The following ABL2 variants were observed in gnomAD, a reference collection of about 807,000 sequenced individuals.
The protein encoded by ABL2 is ABL proto-oncogene 2, non-receptor tyrosine kinase.
A neutral mutation model predicts 107.7 loss-of-function variants in ABL2; 49 were observed. The observed-to-expected ratio is 0.45, with a 90% CI of 0.36 to 0.58. The LOEUF (loss-of-function observed/expected upper bound fraction) is 0.58. Ranked by LOEUF, ABL2 falls within the 20% of genes least tolerant of loss-of-function variation. ABL2 has a pLI of 0.00. For missense variants in ABL2, 1,245 were observed against 1,457.0 expected, an observed-to-expected ratio of 0.85 and a Z score of 2.37; for synonymous variants, 549 against 548.6, an observed-to-expected ratio of 1.00 and a Z score of -0.01.
chr1:179,112,250 TCAC>T (rs1039166317), intron 10 of ABL2, 56 bp downstream of exon 10: 282 of 1,437,212 alleles, frequency 2.0e-4, no homozygotes, highest in Non-Finnish European at 2.4e-4. Context: ...ATTACCATTA[TCAC>T]CACCACCACC....
intron 1 of ABL2, among the ~76,000 whole-genome samples, chr1:179,203,596 T>C (rs866974615): frequency 1.3e-5 from 2 of 152,210 alleles, no homozygotes; most frequent in African/African-American, 2.4e-5. Context: ...TGTATTATTG[T>C]AACAAGCTAT....
At chr1:179,141,067 G>A (rs1332225316) in intron 1 of ABL2, among the ~76,000 whole-genome samples, 2 of 143,172 alleles carry the variant, frequency 1.4e-5, no homozygotes, top group Non-Finnish European at 3.0e-5. Flanking sequence ...AGTGAACTGA[G>A]ATCAGACTGC....
At chr1:179,179,813 T>C (rs972320329) in intron 1 of ABL2, among the ~76,000 whole-genome samples, 1 of 151,986 alleles carries the variant, frequency 6.6e-6, no homozygotes, top group African/African-American at 2.4e-5. Flanking sequence ...TCAAGAAATA[T>C]GTCTTGGCTG....
intron 1 of ABL2, among the ~76,000 whole-genome samples, chr1:179,209,573 A>G (rs550474392): frequency 1.3e-5 from 2 of 152,330 alleles, no homozygotes; most frequent in South Asian, 2.1e-4. Context: ...CTGCTAAGCT[A>G]TGGGTCCATA....
chr1:179,131,199 C>T, intron 3 of ABL2, 112 bp downstream of exon 3: 1 of 1,219,178 alleles, frequency 8.2e-7, no homozygotes, highest in Non-Finnish European at 1.1e-6. Context: ...CCGCCTTGGC[C>T]TCCCAAAGTG....
rs1660437407 is a variant in ABL2, at chr1:179,182,508, G to C, written c.157+46733C>G. Among the ~76,000 whole-genome samples the C allele has an allele frequency of 2.6e-5, 4 of 152,270 alleles. No homozygotes were observed. The South Asian group carries it at 8.3e-4, about 32-fold the overall frequency. The stretch of plus-strand genomic sequence containing the variant: ...TTAGAAAATTAAAGTAATCAGAGAA[G>C]ATCTTCCAGCATATTTGACTTTCTG... On this transcript the variant is annotated intron_variant, in intron 1 of 11. Coordinates refer to ENST00000502732, the MANE Select transcript of ABL2 (RefSeq NM_007314.4).
intron 1 of ABL2, among the ~76,000 whole-genome samples, chr1:179,191,413 C>CTTT (rs35362624): frequency 0.022 from 1,705 of 77,084 alleles, 1 homozygote; most frequent in South Asian, 0.026. Context: ...TATGAAATCC[C>CTTT]TTTTTTTTTT....
chr1:179,113,043 T>G (rs1427731071), intron 9 of ABL2, among the ~76,000 whole-genome samples: 3 of 152,110 alleles, frequency 2.0e-5, no homozygotes, highest in Admixed American at 2.0e-4. Context: ...CTTGAGCCAC[T>G]GCACCCAGCC....
intron 1 of ABL2, among the ~76,000 whole-genome samples, chr1:179,218,555 C>A (rs1662706999): frequency 6.6e-6 from 1 of 152,178 alleles, no homozygotes; most frequent in Admixed American, 6.5e-5. Flanking sequence ...CGCCACCACG[C>A]CCAGCTAATT....
intron 1 of ABL2, among the ~76,000 whole-genome samples, chr1:179,179,133 T>C (rs1487504244): frequency 1.3e-5 from 2 of 152,198 alleles, no homozygotes; most frequent in South Asian, 2.1e-4. Context: ...CAGTTTAAAA[T>C]GTGCAAAACT....
intron 1 of ABL2, among the ~76,000 whole-genome samples, chr1:179,211,762 G>A (rs1012342827): frequency 5.4e-5 from 8 of 147,942 alleles, no homozygotes; most frequent in African/African-American, 2.0e-4. Context: ...TCACACCACA[G>A]CCTGGGTGAC....
At chr1:179,167,191 T>C (rs556998779) in intron 1 of ABL2, among the ~76,000 whole-genome samples, 1 of 152,256 alleles carries the variant, frequency 6.6e-6, no homozygotes, top group Admixed American at 6.5e-5. Flanking sequence ...AAATGTGGTG[T>C]ATATACCACA....
rs1435711806 is a variant in ABL2 at position 179,136,280 on chromosome 1, G to A, written c.158-2906C>T. ...TGTGGAATAGAAAGGGGGGAAAGGTGGGGAAAAGATTGAGAAATCGGATGG... is the reference window on the plus strand; with the variant it reads ...TGTGGAATAGAAAGGGGGGAAAGGTAGGGAAAAGATTGAGAAATCGGATGG... On this transcript the variant is annotated intron_variant, in intron 1 of 11. Coordinates refer to ENST00000502732, the MANE Select transcript of ABL2 (RefSeq NM_007314.4). 5.3e-5 allele frequency among the ~76,000 whole-genome samples: 8 copies of A among 151,686 alleles called. 2 individuals carry two copies. The highest frequency in any genetic ancestry group is 5.3e-4 in the Admixed American group (8 of 15,236).
rs557441845 is a variant in ABL2 at position 179,227,417 on chromosome 1, C to T, written c.157+1824G>A. Among the ~76,000 whole-genome samples the T allele has an allele frequency of 2.2e-4, 34 of 152,314 alleles. 1 individual carries two copies. The South Asian group carries it at 7.0e-3, about 32-fold the overall frequency. ...CAAATTATATCTATTCCCATGTTCC[C>T]GTTCAAGTTGTTTCTTCTACCCAAA... On this transcript the variant is annotated intron_variant, in intron 1 of 11. Transcript: ENST00000502732.
Position 179,126,680 on chromosome 1 carries a change from T to C in ABL2, c.392-8A>G. 9.3e-6 allele frequency: 15 copies of C among 1,607,950 alleles called. No homozygotes were observed. The highest frequency in any genetic ancestry group is 1.2e-5 in the Non-Finnish European group (14 of 1,175,416). On this transcript the variant is annotated splice_polypyrimidine_tract_variant and splice_region_variant and intron_variant, in intron 3 of 11. Coordinates refer to ENST00000502732, the MANE Select transcript of ABL2 (RefSeq NM_007314.4). The surrounding 1 kb of genome is among the most constrained non-coding windows in gnomAD (Gnocchi z 4.4). ...GGACTCGTAGCTTTTCACCTAGCCA[T>C]AAGGTCATCACAGGATGAAAGAAAC...
chr1:179,204,414 TC>T (rs1420141664), intron 1 of ABL2, among the ~76,000 whole-genome samples: 3 of 152,116 alleles, frequency 2.0e-5, no homozygotes, highest in Non-Finnish European at 4.4e-5. Context: ...GAAAGTTCCC[TC>T]CGCATCTCTA....
chr1:179,123,730 G>A (rs552072623), intron 4 of ABL2, among the ~76,000 whole-genome samples: 13 of 152,206 alleles, frequency 8.5e-5, no homozygotes, highest in African/African-American at 2.6e-4. Context: ...CCCAGGTTCA[G>A]GTGATCCTCC....
At position 179,107,561 on chromosome 1, in the gene ABL2, T is replaced by C; in HGVS notation, c.*157A>G. On this transcript the variant is annotated 3_prime_UTR_variant, in exon 12 of 12. Transcript: ENST00000502732. Reference sequence around the variant, plus strand: ...TGTGGTTTGCTTCTTATTTTTGAGATGAAACTGTAAACGTGAGAACTCAGG... The same window carrying C: ...TGTGGTTTGCTTCTTATTTTTGAGACGAAACTGTAAACGTGAGAACTCAGG... 7.1e-7 allele frequency: 1 copy of C among 1,402,606 alleles called. No homozygotes were observed. Among genetic ancestry groups the C allele is most frequent in the Non-Finnish European group, 9.4e-7 (1 of 1,065,542 alleles). 86.9% of individuals were successfully genotyped at this position (1,402,606 alleles called of 1,614,324 possible).
intron 9 of ABL2, among the ~76,000 whole-genome samples, chr1:179,112,730 T>C (rs1339076188): frequency 6.6e-6 from 1 of 151,074 alleles, no homozygotes; most frequent in African/African-American, 2.4e-5. Context: ...GCTGGGACTA[T>C]GGGTGTGCAA....
Sources: gnomAD v4.1 joint callset for allele counts (sites outside exome capture counted in the v4.1 genomes callset) on GRCh38, gnomAD v4.1.1 for gene constraint, Gnocchi (gnomAD v3.1) non-coding constraint, MANE v1.5 for transcripts, NCBI Gene and HGNC (gene_info 2026-07-23, HGNC 2026-07-21) for gene names.